CDH12: variants seen among roughly 807,000 people sequenced by gnomAD.
CDH12 encodes cadherin 12, also known as cadherin-12.
CDH12 carries 41 observed loss-of-function variants against 74.1 expected under a neutral mutation model. That is an observed-to-expected ratio of 0.55 (90% confidence interval 0.43 to 0.72). The LOEUF (loss-of-function observed/expected upper bound fraction) is 0.72, where lower values mean the gene tolerates loss of function less well. Among genes scored for constraint, CDH12 ranks in the 30% least tolerant of loss-of-function variants. The probability of loss-of-function intolerance (pLI) is 0.00; values close to 1 mark genes in which losing one functional copy is unlikely to be tolerated. For missense variants in CDH12, 945 were observed against 977.2 expected (o/e 0.97, Z 0.44); for synonymous variants, 399 against 355.0 (o/e 1.12, Z -1.39).
Position 22,545,420 on chromosome 5 carries a change from T to G in CDH12, c.-522-40056A>C, listed in dbSNP as rs116517029. Among the ~76,000 whole-genome samples, 381 of 152,296 alleles carry G rather than the reference T, an allele frequency of 2.5e-3. 2 individuals carry two copies. Among genetic ancestry groups the G allele is most frequent in the African/African-American group, 8.6e-3 (358 of 41,570 alleles). On this transcript the variant is annotated intron_variant, in intron 1 of 14. Transcript: ENST00000382254. ...TAAAATTGTGTGACAAAATTTAATA[T>G]AGCAACAAATATGCAGGGCAAGGTA...
At chr5:22,754,317 G>A (rs928969838) in intron 1 of CDH12, among the ~76,000 whole-genome samples, 2 of 152,184 alleles carry the variant, frequency 1.3e-5, no homozygotes, top group African/African-American at 4.8e-5. Flanking sequence ...ATAGGAGCCT[G>A]TTCTAAGTAC....
intron 5 of CDH12, among the ~76,000 whole-genome samples, chr5:21,992,256 A>G (rs1757785515): frequency 6.6e-6 from 1 of 152,138 alleles, no homozygotes; most frequent in Non-Finnish European, 1.5e-5. Context: ...AAACGAAAAA[A>G]ATAGATGTCA....
At chr5:21,868,423 A>C (rs1344641581) in intron 6 of CDH12, among the ~76,000 whole-genome samples, 1 of 152,114 alleles carries the variant, frequency 6.6e-6, no homozygotes, top group African/African-American at 2.4e-5. Context: ...GCTACTCCAA[A>C]CTGGGAAAGC....
chr5:21,805,000 A>G (rs115610921), intron 9 of CDH12, among the ~76,000 whole-genome samples: 5,060 of 152,222 alleles, frequency 0.033, 99 homozygotes, highest in African/African-American at 0.049. Flanking sequence ...TAAATGTTAA[A>G]CAATATAAGT....
chr5:22,332,752 A>G (rs1739403180), intron 3 of CDH12, among the ~76,000 whole-genome samples: 1 of 152,232 alleles, frequency 6.6e-6, no homozygotes, highest in Non-Finnish European at 1.5e-5. Flanking sequence ...AATTCAAATC[A>G]AAACCATGAT....
intron 4 of CDH12, among the ~76,000 whole-genome samples, chr5:22,094,875 C>G (rs904624732): frequency 2.0e-5 from 3 of 152,192 alleles, no homozygotes; most frequent in African/African-American, 7.2e-5. Flanking sequence ...CACTCCTGCA[C>G]ACCAGAGAAC....
chr5:21,902,449 C>A (rs1753434481), intron 6 of CDH12, among the ~76,000 whole-genome samples: 1 of 152,046 alleles, frequency 6.6e-6, no homozygotes, highest in Non-Finnish European at 1.5e-5. Flanking sequence ...AATGCAGAAT[C>A]TCAGGCCCCA....
chr5:22,089,284 A>T (rs1743272350), intron 4 of CDH12, among the ~76,000 whole-genome samples: 1 of 152,214 alleles, frequency 6.6e-6, no homozygotes, highest in Admixed American at 6.5e-5. Context: ...GTTAGAATAT[A>T]GTATTTATAA....
chr5:22,185,185 TTCTC>T (rs750158077), intron 4 of CDH12, among the ~76,000 whole-genome samples: 11 of 147,696 alleles, frequency 7.4e-5, no homozygotes, highest in African/African-American at 2.8e-4. Flanking sequence ...AGAGTCCTCC[TTCTC>T]TCTCTCTCTC....
chr5:22,544,934 G>C (rs1466502531), intron 1 of CDH12, among the ~76,000 whole-genome samples: 1 of 151,864 alleles, frequency 6.6e-6, no homozygotes, highest in Non-Finnish European at 1.5e-5. Flanking sequence ...TTTTAAATCA[G>C]AGACAGCTCA....
chr5:22,629,965 T>C (rs1419595927), intron 1 of CDH12, among the ~76,000 whole-genome samples: 1 of 151,998 alleles, frequency 6.6e-6, no homozygotes, highest in African/African-American at 2.4e-5. Context: ...ACACCAAAAA[T>C]GTCCATGCTG....
At chr5:22,084,658 T>C (rs1389841987) in intron 4 of CDH12, among the ~76,000 whole-genome samples, 1 of 152,176 alleles carries the variant, frequency 6.6e-6, no homozygotes, top group Admixed American at 6.5e-5. Context: ...CTACAGTCCT[T>C]CAGTGAACAG....
At chr5:21,758,522 G>C (rs554981439) in intron 13 of CDH12, among the ~76,000 whole-genome samples, 1 of 152,104 alleles carries the variant, frequency 6.6e-6, no homozygotes, top group South Asian at 2.1e-4. Context: ...TTATTATCAG[G>C]TTATAAAATC....
At chr5:22,650,608 C>G (rs918365401) in intron 1 of CDH12, among the ~76,000 whole-genome samples, 1 of 152,190 alleles carries the variant, frequency 6.6e-6, no homozygotes, top group South Asian at 2.1e-4. Context: ...AAAGAATTCT[C>G]TGCTCATTAT....
At chr5:21,888,566 T>A (rs2150041631) in intron 6 of CDH12, among the ~76,000 whole-genome samples, 1 of 149,306 alleles carries the variant, frequency 6.7e-6, no homozygotes, top group East Asian at 2.0e-4. Flanking sequence ...GTTGTGTACA[T>A]GTACCCTAGA....
chr5:21,817,105 G>T lies in CDH12; in HGVS notation c.842C>A (p.Ser281Tyr), dbSNP rs774959670. ...TCCAATAGCTGAACCAATAGGGGAAGACTCAGGAACTTTCAAGTGGAAGAT... is the reference window on the plus strand; with the variant it reads ...TCCAATAGCTGAACCAATAGGGGAATACTCAGGAACTTTCAAGTGGAAGAT... The part of the protein sequence containing the change: ...KSIFHLKVPE[S>Y]SPIGSAIGRI... Residue 281 changes from serine (S) to tyrosine (Y), a missense_variant, in exon 9 of 15, where the codon TCT becomes TAT. Around this residue, in one of 3 missense-constraint regions of CDH12, gnomAD observed 791 missense variants for 792.8 expected, o/e 1.00. Transcript: ENST00000382254. 68 of 1,611,348 alleles carry T rather than the reference G, an allele frequency of 4.2e-5. No individual in the cohort carries two copies. The highest frequency in any genetic ancestry group is 5.6e-5 in the Non-Finnish European group (66 of 1,178,874).
intron 5 of CDH12, among the ~76,000 whole-genome samples, chr5:22,025,197 G>A (rs187627541): frequency 6.6e-6 from 1 of 152,170 alleles, no homozygotes; most frequent in Admixed American, 6.6e-5. Flanking sequence ...GTCTAGCCAT[G>A]GCTAACACAA....
chr5:21,929,637 C>G (rs1249686258), intron 6 of CDH12, among the ~76,000 whole-genome samples: 3 of 152,070 alleles, frequency 2.0e-5, no homozygotes, highest in African/African-American at 7.2e-5. Flanking sequence ...CTCACCTCAG[C>G]CTCCCGAGTA....
intron 1 of CDH12, among the ~76,000 whole-genome samples, chr5:22,747,818 T>C (rs1745372538): frequency 6.6e-6 from 1 of 152,174 alleles, no homozygotes; most frequent in African/African-American, 2.4e-5. Flanking sequence ...CTTATGAATC[T>C]GAGTATTTTA....
Sources: allele counts gnomAD v4.1 joint callset (sites outside exome capture counted in the v4.1 genomes callset), GRCh38; gene constraint gnomAD v4.1.1; regional missense constraint gnomAD v4.1.1; transcripts MANE v1.5; gene names NCBI Gene and HGNC (gene_info 2026-07-23, HGNC 2026-07-21).